The following TLL2 variants were observed in gnomAD, a reference collection of about 807,000 sequenced individuals.
TLL2 encodes the protein tolloid like 2, also known as tolloid-like protein 2.
TLL2 carries 106 observed loss-of-function variants against 123.0 expected under a neutral mutation model. That is an observed-to-expected ratio of 0.86 (90% CI 0.74 to 1.01). TLL2 has a LOEUF of 1.01. Ranked by LOEUF, TLL2 falls within the 50% of genes least tolerant of loss-of-function variation. The pLI is 0.00. For missense variants in TLL2, 1,332 were observed against 1,336.7 expected (o/e 1.00, Z 0.06); for synonymous variants, 494 against 516.8 (o/e 0.96, Z 0.60).
At chr10:96,382,671 G>A (rs1304411059) in intron 16 of TLL2, among the ~76,000 whole-genome samples, 4 of 152,220 alleles carry the variant, frequency 2.6e-5, no homozygotes, top group Non-Finnish European at 5.9e-5. Flanking sequence ...CCCCCTTGCC[G>A]CTCTTTCTCA....
chr10:96,403,852 T>C (rs56263442), intron 10 of TLL2, among the ~76,000 whole-genome samples: 1,729 of 151,282 alleles, frequency 0.011, 16 homozygotes, highest in African/African-American at 0.022. Context: ...TGCCCTGTGG[T>C]GGGAGGCAAG....
At chr10:96,386,782 G>A (rs1846238168) in intron 14 of TLL2, among the ~76,000 whole-genome samples, 171 bp downstream of exon 14, 1 of 152,190 alleles carries the variant, frequency 6.6e-6, no homozygotes, top group Non-Finnish European at 1.5e-5. Context: ...TCTGACATTT[G>A]TGACAGCTGT....
rs776604566 is a variant in TLL2 at position 96,420,944 on chromosome 10, A to G, written c.923+12T>C. On this transcript the variant is annotated intron_variant, in intron 7 of 20. Transcript: ENST00000357947. ...AGTAAAACACAGACGAGGCATAAGC[A>G]TAGATTCCGACCTTGAGAAGGTGTT... 1.2e-6 allele frequency: 2 copies of G among 1,613,042 alleles called. No individual in the cohort carries two copies. The highest frequency in any genetic ancestry group is 2.2e-5 in the South Asian group (2 of 91,058).
intron 2 of TLL2, among the ~76,000 whole-genome samples, chr10:96,474,082 T>C (rs549586908): frequency 6.6e-6 from 1 of 152,322 alleles, no homozygotes; most frequent in Non-Finnish European, 1.5e-5. Flanking sequence ...AACTCTGTAA[T>C]GTTAATTCAA....
chr10:96,398,517 A>G (rs549858376), intron 10 of TLL2, among the ~76,000 whole-genome samples: 1 of 152,366 alleles, frequency 6.6e-6, no homozygotes, highest in South Asian at 2.1e-4. Flanking sequence ...AACTTTTGTT[A>G]TCGAGAAAAA....
chr10:96,439,570 C>T (rs1564907664), intron 3 of TLL2, among the ~76,000 whole-genome samples: 1 of 152,128 alleles, frequency 6.6e-6, no homozygotes, highest in East Asian at 1.9e-4. Flanking sequence ...AGTTATGTTC[C>T]TTATTCGCTT....
At chr10:96,505,121 G>C (rs923296608) in intron 1 of TLL2, among the ~76,000 whole-genome samples, 5 of 152,266 alleles carry the variant, frequency 3.3e-5, no homozygotes, top group Non-Finnish European at 7.3e-5. Flanking sequence ...CATGGAGTCT[G>C]ATGGAGAAGC....
intron 2 of TLL2, among the ~76,000 whole-genome samples, chr10:96,453,145 T>G (rs1846977588): frequency 6.6e-6 from 1 of 152,144 alleles, no homozygotes; most frequent in South Asian, 2.1e-4. Flanking sequence ...TTCACAGGAC[T>G]AATCAAAATC....
intron 2 of TLL2, among the ~76,000 whole-genome samples, chr10:96,462,139 T>C (rs1847086596): frequency 1.3e-5 from 2 of 152,248 alleles, no homozygotes; most frequent in African/African-American, 2.4e-5. Flanking sequence ...GTTATTATTA[T>C]TGTTATCCCC....
rs201748606 is a variant in TLL2 at position 96,513,492 on chromosome 10, C to G, written c.175+19G>C. The G allele has an allele frequency of 5.6e-6, 9 of 1,611,506 alleles. No homozygotes were observed. Among genetic ancestry groups the G allele is most frequent in the African/African-American group, 1.3e-5 (1 of 74,696 alleles). On this transcript the variant is annotated intron_variant, in intron 1 of 20. Transcript: ENST00000357947. ...TCAAAGGCAAACTTCTGCGGGACTT[C>G]CCCAGCGGCGGCACCTACCGGCTTT...
intron 3 of TLL2, among the ~76,000 whole-genome samples, chr10:96,441,838 C>A (rs117199423): frequency 6.6e-6 from 1 of 152,152 alleles, no homozygotes; most frequent in Non-Finnish European, 1.5e-5. Context: ...AGTAAACTGA[C>A]GTAAGTGATG....
chr10:96,456,037 C>A (rs577178149), intron 2 of TLL2, among the ~76,000 whole-genome samples: 3 of 152,314 alleles, frequency 2.0e-5, no homozygotes, highest in South Asian at 4.1e-4. Context: ...TAGTTCTTAG[C>A]ACAGTCCTGT....
intron 10 of TLL2, 96 bp from the exon 11 acceptor site, chr10:96,397,398 T>G: frequency 5.7e-6 from 5 of 884,208 alleles, no homozygotes; most frequent in Non-Finnish European, 7.0e-6. Context: ...CACACGTGGT[T>G]TGAAGTGAGC....
At chr10:96,469,926 G>T (rs979673167) in intron 2 of TLL2, among the ~76,000 whole-genome samples, 1 of 152,104 alleles carries the variant, frequency 6.6e-6, no homozygotes, top group African/African-American at 2.4e-5. Context: ...GGCTAGGAGG[G>T]CACCATGTGA....
In TLL2 at chr10:96,397,206, C is replaced by A. The variant is rs1474677697; in HGVS notation, c.1364G>T (p.Gly455Val). 1 of 1,613,682 alleles carries A rather than the reference C, an allele frequency of 6.2e-7. No homozygotes were observed. Among genetic ancestry groups the A allele is most frequent in the Admixed American group, 1.7e-5 (1 of 59,980 alleles). ...FRSSSNILGK[G>V]FFAAYEATCG... The stretch of plus-strand genomic sequence containing the variant: ...CAAACCTTCGTACGCTGCAAAGAAG[C>A]CCTTGCCCAAGATGTTGCTGCTGCT... The change falls in exon 11 of 21, where the codon GGC (glycine) becomes GTC (valine). Residue 455 changes from glycine (G) to valine (V), a missense_variant. By Grantham distance (109) the Gly-to-Val change is moderately radical. Transcript: ENST00000357947.
chr10:96,476,240 A>ATATATATATATTCTTTTTTTTTTTTTT, intron 2 of TLL2, among the ~76,000 whole-genome samples: 1 of 20,502 alleles, frequency 4.9e-5, no homozygotes, highest in Non-Finnish European at 1.0e-4. Flanking sequence ...ATATATATAT[A>ATATATATATATTCTTTTTTTTTTTTTT]TTTTATTTTT....
intron 3 of TLL2, among the ~76,000 whole-genome samples, chr10:96,445,493 C>T (rs894685511): frequency 3.9e-5 from 6 of 152,368 alleles, no homozygotes; most frequent in Non-Finnish European, 7.3e-5. Flanking sequence ...AGCACCTCAC[C>T]TGCTTCCCAC....
chr10:96,422,441 A>C (rs1337899025), intron 6 of TLL2, 108 bp downstream of exon 6: 8 of 1,264,244 alleles, frequency 6.3e-6, no homozygotes, highest in Non-Finnish European at 8.9e-6. Context: ...CATATTCAGC[A>C]GTTAGCATTG....
At chr10:96,388,088 C>T (rs1265830964) in intron 13 of TLL2, among the ~76,000 whole-genome samples, 1 of 151,992 alleles carries the variant, frequency 6.6e-6, no homozygotes, top group Non-Finnish European at 1.5e-5. Context: ...CACAGCACCA[C>T]GGAAGGTAGG....
Sources: gnomAD v4.1 joint callset for allele counts (sites outside exome capture counted in the v4.1 genomes callset) on GRCh38, gnomAD v4.1.1 for gene constraint, MANE v1.5 for transcripts, NCBI Gene and HGNC (gene_info 2026-07-23, HGNC 2026-07-21) for gene names.